Variants in SPAG16 observed in about 807,000 individuals in gnomAD.
The protein encoded by SPAG16 is sperm-associated antigen 16 protein.
SPAG16 carries 86 observed loss-of-function variants against 80.4 expected under a neutral mutation model. The ratio of observed to expected loss-of-function variants is 1.07; its 90% confidence interval spans 0.90 to 1.28. The LOEUF is 1.28. Ranked by LOEUF, SPAG16 falls within the 50% of genes most tolerant of loss-of-function variation. The pLI, the probability that SPAG16 is intolerant of heterozygous loss-of-function variation, is 0.00. For missense variants in SPAG16, 870 were observed against 765.3 expected, an observed-to-expected ratio of 1.14 and a Z score of -1.61; for synonymous variants, 294 against 265.9, an observed-to-expected ratio of 1.11 and a Z score of -1.03.
chr2:214,109,360 T>G (rs761188687), intron 14 of SPAG16, among the ~76,000 whole-genome samples: 13 of 152,156 alleles, frequency 8.5e-5, no homozygotes, highest in Non-Finnish European at 1.8e-4. Flanking sequence ...ATAGATGACC[T>G]CTCAGGTTCA....
chr2:214,144,474 A>G (rs553152838), intron 14 of SPAG16, among the ~76,000 whole-genome samples: 1 of 152,278 alleles, frequency 6.6e-6, no homozygotes, highest in South Asian at 2.1e-4. Context: ...AGATATTCAT[A>G]TAGTCATTCT....
chr2:213,349,780 A>G (rs1575311089), intron 6 of SPAG16, among the ~76,000 whole-genome samples: 2 of 152,154 alleles, frequency 1.3e-5, no homozygotes, highest in East Asian at 3.8e-4. Flanking sequence ...CATTACACTG[A>G]GTGAAATAAA....
chr2:214,385,108 C>T lies in SPAG16; in HGVS notation c.1721-25032C>T, dbSNP rs374701333. On this transcript the variant is annotated intron_variant, in intron 15 of 15. Transcript: ENST00000331683. Reference sequence around the variant, plus strand: ...GATAGGAAGTGAGCATGATGTGCTACGCACAGCTTTCATTGTTCCAGACAA... The same window carrying T: ...GATAGGAAGTGAGCATGATGTGCTATGCACAGCTTTCATTGTTCCAGACAA... Among the ~76,000 whole-genome samples the T allele has an allele frequency of 4.0e-4, 61 of 152,362 alleles. No individual in the cohort carries two copies. In the South Asian group the frequency reaches 5.0e-3, roughly 12 times the overall value.
At chr2:213,375,904 T>C (rs891078098) in intron 9 of SPAG16, among the ~76,000 whole-genome samples, 1 of 151,174 alleles carries the variant, frequency 6.6e-6, no homozygotes, top group Non-Finnish European at 1.5e-5. Flanking sequence ...AAAACATGCA[T>C]TGGATTCTGG....
At chr2:213,623,607 G>A (rs2061860357) in intron 10 of SPAG16, among the ~76,000 whole-genome samples, 1 of 151,962 alleles carries the variant, frequency 6.6e-6, no homozygotes, top group African/African-American at 2.4e-5. Context: ...GCATTGATTT[G>A]AAATACCTTG....
chr2:213,886,281 A>G (rs1475481793), intron 11 of SPAG16, among the ~76,000 whole-genome samples: 3 of 152,102 alleles, frequency 2.0e-5, no homozygotes, highest in African/African-American at 7.2e-5. Context: ...GGCTTTTGAG[A>G]AAAGACGTTC....
chr2:213,681,871 T>C (rs888811062), intron 10 of SPAG16, among the ~76,000 whole-genome samples: 10 of 152,188 alleles, frequency 6.6e-5, no homozygotes, highest in African/African-American at 2.4e-4. Flanking sequence ...TCCCCATCTG[T>C]ATTTTTGACA....
intron 11 of SPAG16, among the ~76,000 whole-genome samples, chr2:213,927,440 C>T (rs963635609): frequency 1.3e-5 from 2 of 152,080 alleles, no homozygotes; most frequent in African/African-American, 4.8e-5. Flanking sequence ...TTTCTCTCAG[C>T]CCTCAGAAAT....
chr2:213,747,875 T>C (rs1453263554), intron 10 of SPAG16, among the ~76,000 whole-genome samples: 1 of 152,256 alleles, frequency 6.6e-6, no homozygotes. Flanking sequence ...GTTCATCTGA[T>C]GATCAAAATC....
At chr2:214,335,087 C>T (rs946237137) in intron 15 of SPAG16, among the ~76,000 whole-genome samples, 14 of 152,174 alleles carry the variant, frequency 9.2e-5, no homozygotes, top group Non-Finnish European at 1.9e-4. Flanking sequence ...GCAACAGAGG[C>T]CTCAGCTGAT....
At chr2:213,301,617 C>A (rs1408454523) in intron 3 of SPAG16, among the ~76,000 whole-genome samples, 2 of 152,116 alleles carry the variant, frequency 1.3e-5, no homozygotes, top group Non-Finnish European at 2.9e-5. Context: ...TACCCTCTTT[C>A]TTTTCTCATC....
rs145946347 is a variant in SPAG16 at position 214,308,908 on chromosome 2, G to A, written c.1721-101232G>A. Among the ~76,000 whole-genome samples the A allele has an allele frequency of 3.2e-3, 481 of 152,064 alleles. 2 individuals carry two copies. The highest frequency in any genetic ancestry group is 0.01 in the African/African-American group (424 of 41,474). ...GGAGTGTCTTACTGAGGTTCTCTGC[G>A]TTTCCTGAATTTAAGTGTTGCCCTG... On this transcript the variant is annotated intron_variant, in intron 15 of 15. Coordinates refer to ENST00000331683, the MANE Select transcript of SPAG16 (RefSeq NM_024532.5).
At chr2:214,071,045 G>A (rs565992295) in intron 13 of SPAG16, among the ~76,000 whole-genome samples, 1 of 152,150 alleles carries the variant, frequency 6.6e-6, no homozygotes, top group African/African-American at 2.4e-5. Context: ...AAAATCTAAA[G>A]GTCTGCACCA....
intron 15 of SPAG16, among the ~76,000 whole-genome samples, chr2:214,228,148 T>G (rs1688410198): frequency 6.6e-6 from 1 of 151,976 alleles, no homozygotes; most frequent in African/African-American, 2.4e-5. Context: ...TCAAATTGTT[T>G]AAATTCATGA....
intron 9 of SPAG16, among the ~76,000 whole-genome samples, chr2:213,435,729 G>A (rs1429351374): frequency 6.6e-6 from 1 of 152,088 alleles, no homozygotes; most frequent in South Asian, 2.1e-4. Flanking sequence ...AAGACACATT[G>A]TTCAGGACAG....
chr2:213,950,646 C>A lies in SPAG16; in HGVS notation c.1400+20501C>A, dbSNP rs537610970. On this transcript the variant is annotated intron_variant, in intron 12 of 15. Coordinates refer to ENST00000331683, the MANE Select transcript of SPAG16 (RefSeq NM_024532.5). The stretch of plus-strand genomic sequence containing the variant: ...CCTTCCTTCCTTGCTTCCTCCCTCT[C>A]TCCTTCCCTCCCTCCCTCCCTCCCT... 7.3e-5 allele frequency among the ~76,000 whole-genome samples: 11 copies of A among 150,890 alleles called. 1 individual carries two copies. In the East Asian group the frequency reaches 2.1e-3, roughly 29 times the overall value.
At chr2:213,887,288 A>G (rs1559553742) in intron 11 of SPAG16, among the ~76,000 whole-genome samples, 1 of 152,006 alleles carries the variant, frequency 6.6e-6, no homozygotes, top group Non-Finnish European at 1.5e-5. Flanking sequence ...TGCATTTAAT[A>G]GTCATGTTTC....
At chr2:213,752,048 C>T (rs554456993) in intron 10 of SPAG16, among the ~76,000 whole-genome samples, 4 of 152,340 alleles carry the variant, frequency 2.6e-5, no homozygotes, top group East Asian at 3.9e-4. Context: ...ACTACTCCCA[C>T]TCCAAATTGC....
In SPAG16 at chr2:214,271,708, G is replaced by C. The variant is rs1244880371; in HGVS notation, c.1720+122442G>C. On this transcript the variant is annotated intron_variant, in intron 15 of 15. Transcript: ENST00000331683. The stretch of plus-strand genomic sequence containing the variant: ...CCAGCTACTCGGAAGGCTGAGGCAG[G>C]AGAATCACTTGAACCTGGGAGGCGG... 2.6e-5 allele frequency among the ~76,000 whole-genome samples: 4 copies of C among 152,276 alleles called. No homozygotes were observed. In the East Asian group the frequency reaches 7.7e-4, roughly 29 times the overall value.
Sources: gnomAD v4.1 joint callset for allele counts (sites outside exome capture counted in the v4.1 genomes callset) on GRCh38, gnomAD v4.1.1 for gene constraint, MANE v1.5 for transcripts, NCBI Gene and HGNC (gene_info 2026-07-23, HGNC 2026-07-21) for gene names.